HEG1: variants seen among roughly 807,000 people sequenced by gnomAD.
HEG1 encodes heart development protein with EGF like domains 1.
HEG1 carries 56 observed loss-of-function variants against 125.6 expected under a neutral mutation model. The observed-to-expected ratio is 0.45, with a 90% CI of 0.36 to 0.56. The LOEUF (loss-of-function observed/expected upper bound fraction) is 0.56. Ranked by LOEUF, HEG1 falls within the 20% of genes least tolerant of loss-of-function variation. The probability of loss-of-function intolerance (pLI) is 0.00; values close to 1 mark genes in which losing one functional copy is unlikely to be tolerated. For synonymous variants in HEG1, 644 were observed against 668.5 expected (o/e 0.96, Z 0.57); for missense variants, 1,523 against 1,670.0 (o/e 0.91, Z 1.53).
Position 125,019,339 on chromosome 3 carries a change from T to C in HEG1, c.1511A>G (p.Asp504Gly). Residue 504 changes from aspartate (D) to glycine (G), a missense_variant, in exon 5 of 17, where the codon GAT becomes GGT. Coordinates refer to ENST00000311127, the MANE Select transcript of HEG1 (RefSeq NM_020733.2). ...QSGGSHTALG[D>G]RSYSESSSTS... ...AGATGAAGACTCTGAATAACTCCTATCTCCCAATGCTGTGTGACTTCCTCC... is the reference window on the plus strand; with the variant it reads ...AGATGAAGACTCTGAATAACTCCTACCTCCCAATGCTGTGTGACTTCCTCC... The C allele has an allele frequency of 1.9e-6, 3 of 1,613,992 alleles. No homozygotes were observed. The highest frequency in any genetic ancestry group is 1.7e-6 in the Non-Finnish European group (2 of 1,179,868).
In HEG1 at chr3:125,013,945, T is replaced by A; in HGVS notation, c.1634A>T (p.Gln545Leu). The A allele has an allele frequency of 2.5e-6, 4 of 1,612,362 alleles. No homozygotes were observed. Among genetic ancestry groups the A allele is most frequent in the Non-Finnish European group, 3.4e-6 (4 of 1,179,402 alleles). The change falls in exon 6 of 17, where the codon CAA (glutamine) becomes CTA (leucine). Residue 545 changes from glutamine to leucine, a missense_variant. Coordinates refer to ENST00000311127, the MANE Select transcript of HEG1 (RefSeq NM_020733.2). ...YGQVRGTAIE[Q>L]RTSSDHTDHT... ...GTCTGTGTGGTCGCTGGAAGTCCTT[T>A]GTTCAATAGCTGTGCCACGCACTTG...
At position 124,990,829 on chromosome 3, in the gene HEG1, A is replaced by C; in HGVS notation, c.3696-5T>G. ...CCACCAAGGCCAAATGGGCAACTGC[A>C]AGCCAAGAAAGAAAAAAGGGCAAGA... On this transcript the variant is annotated splice_polypyrimidine_tract_variant and splice_region_variant and intron_variant, in intron 13 of 16. Coordinates refer to ENST00000311127, the MANE Select transcript of HEG1 (RefSeq NM_020733.2). 1 of 1,562,360 alleles carries C rather than the reference A, an allele frequency of 6.4e-7. No individual in the cohort carries two copies. Among genetic ancestry groups the C allele is most frequent in the Non-Finnish European group, 8.7e-7 (1 of 1,152,426 alleles).
At chr3:124,982,501 T>C (rs1266184944) in intron 14 of HEG1, among the ~76,000 whole-genome samples, 1 of 152,252 alleles carries the variant, frequency 6.6e-6, no homozygotes, top group Non-Finnish European at 1.5e-5. Context: ...CTTGGAATTC[T>C]TAGTCCTACT....
At chr3:125,047,938 C>A (rs1344117606) in intron 1 of HEG1, among the ~76,000 whole-genome samples, 1 of 152,192 alleles carries the variant, frequency 6.6e-6, no homozygotes, top group Non-Finnish European at 1.5e-5. Flanking sequence ...CATTTCCCAG[C>A]CTATCAGAGA....
chr3:124,994,852 CT>C (rs1271456627), intron 12 of HEG1, among the ~76,000 whole-genome samples: 1 of 152,246 alleles, frequency 6.6e-6, no homozygotes, highest in Non-Finnish European at 1.5e-5. Context: ...GAAATTATAT[CT>C]AGCCATGTCA....
At chr3:125,016,817 GA>G (rs1413002883) in intron 5 of HEG1, among the ~76,000 whole-genome samples, 2 of 152,130 alleles carry the variant, frequency 1.3e-5, no homozygotes, top group Non-Finnish European at 2.9e-5. Context: ...GCTTTAGTCA[GA>G]ATATACTTTA....
chr3:125,016,415 A>G (rs1300857800), intron 5 of HEG1, among the ~76,000 whole-genome samples: 3 of 152,224 alleles, frequency 2.0e-5, no homozygotes, highest in African/African-American at 7.2e-5. Context: ...CTGAAATCAT[A>G]TGTTCCTCAT....
At chr3:125,018,787 T>A (rs890342724) in intron 5 of HEG1, among the ~76,000 whole-genome samples, 1 of 149,924 alleles carries the variant, frequency 6.7e-6, no homozygotes, top group African/African-American at 2.5e-5. Context: ...TGTATCTGTA[T>A]CAACCAGCTA....
intron 1 of HEG1, among the ~76,000 whole-genome samples, chr3:125,030,476 A>T (rs1169116445): frequency 6.6e-6 from 1 of 152,232 alleles, no homozygotes. Context: ...TATCAATTAA[A>T]TCAGTTACAG....
At chr3:124,992,498 G>A (rs1936850903) in intron 12 of HEG1, among the ~76,000 whole-genome samples, 1 of 152,204 alleles carries the variant, frequency 6.6e-6, no homozygotes. Flanking sequence ...TCCCGAATAA[G>A]AAAAGGTACA....
intron 1 of HEG1, among the ~76,000 whole-genome samples, chr3:125,049,168 A>C (rs1937748040): frequency 6.6e-6 from 1 of 152,064 alleles, no homozygotes; most frequent in Non-Finnish European, 1.5e-5. Context: ...CTTTCCCCAG[A>C]CCTCATTCTC....
At position 125,046,889 on chromosome 3, in the gene HEG1, G is replaced by A. The variant is rs986488563; in HGVS notation, c.316+8686C>T. 2.0e-5 allele frequency among the ~76,000 whole-genome samples: 3 copies of A among 152,216 alleles called. No individual in the cohort carries two copies. The East Asian group carries it at 5.8e-4, about 29-fold the overall frequency. On this transcript the variant is annotated intron_variant, in intron 1 of 16. Coordinates refer to ENST00000311127, the MANE Select transcript of HEG1 (RefSeq NM_020733.2). ...ATTTGAAGAACACTCATTGACCACA[G>A]AGGTCCAAGTGTGACTGATTTTCAA...
At chr3:125,038,516 T>C (rs1329106031) in intron 1 of HEG1, among the ~76,000 whole-genome samples, 3 of 152,222 alleles carry the variant, frequency 2.0e-5, no homozygotes, top group Non-Finnish European at 4.4e-5. Context: ...CTACTGCCAC[T>C]GGAGGTCTTG....
intron 1 of HEG1, among the ~76,000 whole-genome samples, chr3:125,033,729 G>A (rs1045627426): frequency 2.0e-5 from 3 of 152,122 alleles, no homozygotes; most frequent in Admixed American, 6.5e-5. Flanking sequence ...GACTGGTAGC[G>A]GTCCGCGGGC....
intron 9 of HEG1, among the ~76,000 whole-genome samples, chr3:125,003,613 A>C (rs1420184958): frequency 1.3e-5 from 2 of 152,078 alleles, no homozygotes; most frequent in Non-Finnish European, 2.9e-5. Context: ...CAACAATGTG[A>C]TTTATGGTGG....
chr3:124,997,738 C>T lies in HEG1; in HGVS notation c.3603G>A (p.Gln1201=). The T allele has an allele frequency of 1.3e-6, 2 of 1,595,550 alleles. No homozygotes were observed. The highest frequency in any genetic ancestry group is 1.7e-6 in the Non-Finnish European group (2 of 1,167,364). ...TGAACTGAAAGTATCCCGACTTGCA[C>T]TGGCACAGGGCAACGCCGTCCAGGT... ...CTDLDGVALC[Q]CKSGYFQFNK... The change falls in exon 12 of 17, where the codon CAG becomes CAA. Residue 1201 remains glutamine, a synonymous_variant. Transcript: ENST00000311127.
At chr3:125,007,577 C>A (rs1677357922) in intron 8 of HEG1, among the ~76,000 whole-genome samples, 2 of 152,202 alleles carry the variant, frequency 1.3e-5, no homozygotes, top group South Asian at 2.1e-4. Flanking sequence ...TTAAATGGTA[C>A]CTCCCATCTG....
Position 125,020,922 on chromosome 3 carries a change from A to G in HEG1, c.1122T>C (p.Leu374=). ...RIATTSSSVL[L]SPSAVESRRN... The stretch of plus-strand genomic sequence containing the variant: ...TTCTCGATTCCACTGCAGAGGGTGA[A>G]AGAAGGACTGAGGATGAAGTCGTGG... Residue 374 remains leucine (L), a synonymous_variant, in exon 4 of 17, where the codon CTT becomes CTC. Transcript: ENST00000311127. 6.2e-7 allele frequency: 1 copy of G among 1,614,002 alleles called. No individual in the cohort carries two copies. The highest frequency in any genetic ancestry group is 8.5e-7 in the Non-Finnish European group (1 of 1,179,890).
chr3:125,018,656 T>A (rs919099677), intron 5 of HEG1, among the ~76,000 whole-genome samples: 3 of 152,138 alleles, frequency 2.0e-5, no homozygotes, highest in Non-Finnish European at 4.4e-5. Context: ...TATGGAGTTA[T>A]GGGTTGGCTA....
Sources: allele counts gnomAD v4.1 joint callset (sites outside exome capture counted in the v4.1 genomes callset), GRCh38; gene constraint gnomAD v4.1.1; transcripts MANE v1.5; gene names NCBI Gene and HGNC (gene_info 2026-07-23, HGNC 2026-07-21).